LRRC1: variants seen among roughly 807,000 people sequenced by gnomAD.
The protein encoded by LRRC1 is leucine rich repeat containing 1.
A neutral mutation model predicts 69.9 loss-of-function variants in LRRC1; 28 were observed. The observed-to-expected ratio is 0.40, with a 90% CI of 0.30 to 0.55. The LOEUF is 0.55. Ranked by LOEUF, LRRC1 falls within the 20% of genes least tolerant of loss-of-function variation. The pLI, the probability that LRRC1 is intolerant of heterozygous loss-of-function variation, is 0.47. For missense variants in LRRC1, 498 were observed against 609.0 expected (o/e 0.82, Z 1.92); for synonymous variants, 236 against 240.2 (o/e 0.98, Z 0.16).
chr6:53,920,860 T>C (rs1057087630), intron 13 of LRRC1, 99 bp downstream of exon 13: 9 of 1,372,932 alleles, frequency 6.6e-6, no homozygotes, highest in African/African-American at 1.4e-5. Flanking sequence ...TAGTATGTTC[T>C]CTGCTTTGCC....
chr6:53,811,852 C>CGATTG (rs1369316907), intron 1 of LRRC1, among the ~76,000 whole-genome samples: 1 of 152,214 alleles, frequency 6.6e-6, no homozygotes, highest in Non-Finnish European at 1.5e-5. Context: ...CAGGCCCTGT[C>CGATTG]GATTGGGTGG....
At position 53,885,511 on chromosome 6, in the gene LRRC1, T is replaced by C. The variant is rs566523928; in HGVS notation, c.446+2535T>C. Among the ~76,000 whole-genome samples, 9 of 152,358 alleles carry C rather than the reference T, an allele frequency of 5.9e-5. No individual in the cohort carries two copies. The East Asian group carries it at 1.3e-3, about 23-fold the overall frequency. On this transcript the variant is annotated intron_variant, in intron 4 of 13. Coordinates refer to ENST00000370888, the MANE Select transcript of LRRC1 (RefSeq NM_018214.5). ...TTTGATTGCTTGATTCTTACTGTTA[T>C]CTTTGTGGAGTCTGATGTGGAATCC... is the stretch of plus-strand genomic sequence containing the variant.
intron 10 of LRRC1, among the ~76,000 whole-genome samples, chr6:53,910,013 C>G (rs1768360763): frequency 6.6e-6 from 1 of 152,166 alleles, no homozygotes; most frequent in African/African-American, 2.4e-5. Flanking sequence ...CTTGGGTGAG[C>G]TAACCTGCAG....
chr6:53,842,428 A>G (rs1322418702), intron 2 of LRRC1, among the ~76,000 whole-genome samples: 2 of 152,188 alleles, frequency 1.3e-5, no homozygotes, highest in Non-Finnish European at 2.9e-5. Context: ...CCTGATAGTT[A>G]TGGGAAAACT....
chr6:53,878,800 T>C (rs1214576204), intron 2 of LRRC1, among the ~76,000 whole-genome samples, 193 bp from the exon 3 acceptor site: 3 of 152,212 alleles, frequency 2.0e-5, no homozygotes, highest in Non-Finnish European at 4.4e-5. Flanking sequence ...TTTTCTTTAA[T>C]GTGCTTCTGT....
In LRRC1 at chr6:53,897,302, C is replaced by G; in HGVS notation, c.585C>G (p.Ala195=). The change falls in exon 7 of 14, where the codon GCC becomes GCG. Residue 195 remains alanine, a synonymous_variant. Coordinates refer to ENST00000370888, the MANE Select transcript of LRRC1 (RefSeq NM_018214.5). ...TGTTTTAGCCAGAATCAATTGGAGC[C>G]CTCTTACATCTAAAAGATCTCTGGT... ...EIYNLPESIG[A]LLHLKDLWLD... 1 of 1,611,238 alleles carries G rather than the reference C, an allele frequency of 6.2e-7. No individual in the cohort carries two copies. The highest frequency in any genetic ancestry group is 2.2e-5 in the East Asian group (1 of 44,828).
At chr6:53,861,395 T>A (rs910654550) in intron 2 of LRRC1, among the ~76,000 whole-genome samples, 2 of 151,088 alleles carry the variant, frequency 1.3e-5, no homozygotes, top group Non-Finnish European at 2.9e-5. Context: ...TCCCTCAGTG[T>A]TTTTTAGAGG....
chr6:53,911,397 A>G (rs1257609610), intron 10 of LRRC1, among the ~76,000 whole-genome samples: 1 of 152,198 alleles, frequency 6.6e-6, no homozygotes, highest in Admixed American at 6.5e-5. Context: ...TAGGGCCCCA[A>G]AACAGATATC....
At chr6:53,831,800 TCTTG>T (rs769136408) in intron 1 of LRRC1, among the ~76,000 whole-genome samples, 55 of 152,336 alleles carry the variant, frequency 3.6e-4, no homozygotes, top group Non-Finnish European at 5.3e-4. Context: ...GTCTTCCATT[TCTTG>T]CTTGCTGTCC....
chr6:53,809,955 GGATA>G (rs1764745022), intron 1 of LRRC1, among the ~76,000 whole-genome samples: 1 of 152,238 alleles, frequency 6.6e-6, no homozygotes. Flanking sequence ...GAGAAGAAAG[GGATA>G]GATAGAGTCA....
intron 1 of LRRC1, among the ~76,000 whole-genome samples, chr6:53,830,611 T>C (rs1765398879): frequency 1.3e-5 from 2 of 152,152 alleles, no homozygotes; most frequent in African/African-American, 4.8e-5. Flanking sequence ...TACTTAACTG[T>C]TTTGGTAAAC....
intron 2 of LRRC1, among the ~76,000 whole-genome samples, chr6:53,873,341 C>T (rs977661581): frequency 6.0e-5 from 9 of 148,964 alleles, no homozygotes; most frequent in Non-Finnish European, 1.2e-4. Flanking sequence ...GCCCAGGCTA[C>T]TGTGCAGTGG....
intron 1 of LRRC1, among the ~76,000 whole-genome samples, chr6:53,836,143 T>C (rs748833335): frequency 6.6e-6 from 1 of 152,212 alleles, no homozygotes; most frequent in Non-Finnish European, 1.5e-5. Flanking sequence ...GAGCTCTAGC[T>C]GGCAGCTGGC....
intron 8 of LRRC1, among the ~76,000 whole-genome samples, chr6:53,900,355 G>T (rs1354218011): frequency 6.6e-6 from 1 of 152,090 alleles, no homozygotes; most frequent in East Asian, 1.9e-4. Flanking sequence ...TGTTTTTAAA[G>T]AAGGAAAGCA....
At chr6:53,902,328 T>A (rs533432703) in intron 8 of LRRC1, among the ~76,000 whole-genome samples, 1 of 152,304 alleles carries the variant, frequency 6.6e-6, no homozygotes, top group East Asian at 1.9e-4. Context: ...ATGAAACACC[T>A]CCACGGAGAG....
chr6:53,834,826 G>A (rs12200971), intron 1 of LRRC1, among the ~76,000 whole-genome samples: 21,297 of 152,076 alleles, frequency 0.14, 1,599 homozygotes, highest in Non-Finnish European at 0.17. Context: ...ACAAAAAATG[G>A]TGGCACACAC....
intron 2 of LRRC1, among the ~76,000 whole-genome samples, chr6:53,857,105 TA>T (rs1477510443): frequency 6.6e-6 from 1 of 152,100 alleles, no homozygotes. Flanking sequence ...CAGATGAATA[TA>T]AAGTTCTGAG....
intron 2 of LRRC1, among the ~76,000 whole-genome samples, chr6:53,856,178 A>G (rs1766302681): frequency 6.6e-6 from 1 of 152,242 alleles, no homozygotes; most frequent in Non-Finnish European, 1.5e-5. Flanking sequence ...GCAACAGTGT[A>G]TGCTTCATTG....
intron 1 of LRRC1, among the ~76,000 whole-genome samples, chr6:53,810,450 C>G (rs913399465): frequency 3.9e-5 from 6 of 152,064 alleles, no homozygotes; most frequent in African/African-American, 1.4e-4. Context: ...GAAACCGTGT[C>G]TCTACTAAAA....
Sources: gnomAD v4.1 joint callset for allele counts (sites outside exome capture counted in the v4.1 genomes callset) on GRCh38, gnomAD v4.1.1 for gene constraint, MANE v1.5 for transcripts, NCBI Gene and HGNC (gene_info 2026-07-23, HGNC 2026-07-21) for gene names.